PDK1: variants seen among roughly 807,000 people sequenced by gnomAD.
The protein encoded by PDK1 is pyruvate dehydrogenase kinase 1, also known as [Pyruvate dehydrogenase (acetyl-transferring)] kinase isozyme 1, mitochondrial.
In PDK1, 39 loss-of-function variants were observed where a neutral mutation model predicts 54.2. That is an observed-to-expected ratio of 0.72 (90% CI 0.56 to 0.94). The LOEUF (loss-of-function observed/expected upper bound fraction) is 0.94. Ranked by LOEUF, PDK1 falls within the 40% of genes least tolerant of loss-of-function variation. The pLI is 0.00. For synonymous variants in PDK1, 221 were observed against 207.1 expected, an observed-to-expected ratio of 1.07 and a Z score of -0.58; for missense variants, 552 against 566.0, an observed-to-expected ratio of 0.98 and a Z score of 0.25.
At chr2:172,671,297 T>TTATA in the PDK1 span, among the ~76,000 whole-genome samples, 1 of 151,352 alleles carries the variant, frequency 6.6e-6, no homozygotes, top group African/African-American at 2.4e-5. Flanking sequence ...TTTGTCACCT[T>TTATA]TATATATCAC....
the PDK1 span, among the ~76,000 whole-genome samples, chr2:172,707,614 TC>T: frequency 6.6e-6 from 1 of 152,120 alleles, no homozygotes; most frequent in Non-Finnish European, 1.5e-5. Context: ...GGTCCTGAGG[TC>T]CCTGACCAGT....
In PDK1 at chr2:172,586,281, A is replaced by C. The variant is rs773713799; in HGVS notation, c.949A>C (p.Ser317Arg). The C allele has an allele frequency of 6.2e-7, 1 of 1,601,502 alleles. No individual in the cohort carries two copies. Among genetic ancestry groups the C allele is most frequent in the Non-Finnish European group, 8.6e-7 (1 of 1,168,942 alleles). ...CACGATCCTTTTCTTACCTTAGATG[A>C]GTGACCGAGGAGGTGGCGTTCCTTT... Reference protein sequence around the residue: ...LGNEDLTVKMSDRGGGVPLRK... With the variant: ...LGNEDLTVKMRDRGGGVPLRK... Residue 317 changes from serine to arginine, a missense_variant, in exon 9 of 11, where the codon AGT becomes CGT. Transcript: ENST00000282077.
At chr2:172,565,528 TCCTG>T (rs370094384) in intron 5 of PDK1, among the ~76,000 whole-genome samples, 10 of 152,108 alleles carry the variant, frequency 6.6e-5, no homozygotes, top group African/African-American at 1.2e-4. Context: ...GGTCTGGAAC[TCCTG>T]CCTGCCTGCC....
the PDK1 span, among the ~76,000 whole-genome samples, chr2:172,690,657 A>T: frequency 1.3e-4 from 19 of 150,312 alleles, no homozygotes; most frequent in African/African-American, 4.6e-4. Flanking sequence ...TACACCATGG[A>T]ATACTACGCA....
At position 172,570,766 on chromosome 2, in the gene PDK1, G is replaced by A. The variant is rs1228464785; in HGVS notation, c.887G>A (p.Gly296Asp). The A allele has an allele frequency of 6.2e-7, 1 of 1,612,100 alleles. No homozygotes were observed. The highest frequency in any genetic ancestry group is 2.2e-5 in the East Asian group (1 of 44,850). Residue 296 changes from glycine (G) to aspartate (D), a missense_variant, in exon 8 of 11, where the codon GGT (glycine) becomes GAT (aspartate). Transcript: ENST00000282077. ...RATMEHHANRGVYPPIQVHVT... is the reference protein window; with the variant it reads ...RATMEHHANRDVYPPIQVHVT... ...ACTATGGAACACCATGCCAACAGAGGTGTTTACCCCCCTATTCAAGTTCAT... is the reference window on the plus strand; with the variant it reads ...ACTATGGAACACCATGCCAACAGAGATGTTTACCCCCCTATTCAAGTTCAT...
chr2:172,681,474 G>A, the PDK1 span, among the ~76,000 whole-genome samples: 4 of 152,218 alleles, frequency 2.6e-5, no homozygotes, highest in African/African-American at 7.2e-5. Context: ...TAGAAAATGA[G>A]TTATCAGCAC....
chr2:172,692,506 G>A, the PDK1 span, among the ~76,000 whole-genome samples: 4 of 152,246 alleles, frequency 2.6e-5, no homozygotes, highest in Non-Finnish European at 4.4e-5. Flanking sequence ...TTGCCCATGC[G>A]CCATGGAAGG....
chr2:172,653,103 G>A, the PDK1 span, among the ~76,000 whole-genome samples: 1 of 152,062 alleles, frequency 6.6e-6, no homozygotes, highest in Non-Finnish European at 1.5e-5. Context: ...AAACAGCATG[G>A]TACTGGTACC....
the PDK1 span, among the ~76,000 whole-genome samples, chr2:172,645,665 A>C: frequency 1.3e-5 from 2 of 152,170 alleles, no homozygotes; most frequent in African/African-American, 4.8e-5. Flanking sequence ...GCTCCAAGAG[A>C]AAAACGACTT....
chr2:172,573,240 CT>C lies in PDK1; in HGVS notation c.945+2418del, dbSNP rs1488612194. ...GTGAAGGTTCCTGTTTTACCTCGTC[CT>C]TGTCAACAATTGTAGTCTGTCTTTT... On this transcript the variant is annotated intron_variant, in intron 8 of 10. Coordinates refer to ENST00000282077, the MANE Select transcript of PDK1 (RefSeq NM_002610.5). 2.6e-5 allele frequency among the ~76,000 whole-genome samples: 4 copies of C among 152,150 alleles called. No homozygotes were observed. The East Asian group carries it at 7.7e-4, about 29-fold the overall frequency.
chr2:172,667,289 G>A, the PDK1 span, among the ~76,000 whole-genome samples: 6 of 152,210 alleles, frequency 3.9e-5, no homozygotes, highest in Non-Finnish European at 8.8e-5. Context: ...GTTGTCTGCA[G>A]AAGGAACAGG....
rs762109484 is a variant in PDK1, at chr2:172,568,751, A to G, written c.780A>G (p.Pro260=). 5 of 1,604,230 alleles carry G rather than the reference A, an allele frequency of 3.1e-6. No individual in the cohort carries two copies. Among genetic ancestry groups the G allele is most frequent in the Non-Finnish European group, 4.3e-6 (5 of 1,170,946 alleles). The change falls in exon 7 of 11, where the codon CCA becomes CCG. Residue 260 remains proline, a synonymous_variant. Coordinates refer to ENST00000282077, the MANE Select transcript of PDK1 (RefSeq NM_002610.5). Reference sequence around the variant, plus strand: ...TCTTCTGCTCTGTAGCAAAATCACCAGGACAGCCAATACAAGTGGTTTATG... The same window carrying G: ...TCTTCTGCTCTGTAGCAAAATCACCGGGACAGCCAATACAAGTGGTTTATG... ...LELEELNAKS[P]GQPIQVVYVP... is the part of the protein sequence containing the mutation.
intron 9 of PDK1, among the ~76,000 whole-genome samples, chr2:172,588,340 G>A (rs1050054013): frequency 2.1e-4 from 32 of 152,172 alleles, no homozygotes; most frequent in African/African-American, 7.5e-4. Flanking sequence ...AAACTCTTTG[G>A]TTCTGTTTCT....
the PDK1 span, among the ~76,000 whole-genome samples, chr2:172,650,252 G>A: frequency 6.6e-6 from 1 of 151,788 alleles, no homozygotes; most frequent in Non-Finnish European, 1.5e-5. Flanking sequence ...TTCATAAGGA[G>A]AAATAAAATC....
chr2:172,563,715 C>T (rs925462308), intron 3 of PDK1, among the ~76,000 whole-genome samples: 5 of 152,064 alleles, frequency 3.3e-5, no homozygotes, highest in African/African-American at 7.2e-5. Flanking sequence ...TGCCTATAAT[C>T]CCGGCTACTC....
upstream of PDK1, chr2:172,555,693 G>A (rs531541756): frequency 6.5e-6 from 1 of 153,264 alleles, no homozygotes; most frequent in Admixed American, 6.5e-5. Context: ...TTTTGGCTGA[G>A]ATTGGGAGGG....
At chr2:172,632,333 G>C in the PDK1 span, among the ~76,000 whole-genome samples, 7 of 151,690 alleles carry the variant, frequency 4.6e-5, no homozygotes, top group Non-Finnish European at 7.4e-5. Flanking sequence ...TAAACTTATA[G>C]ATTAATATAG....
At chr2:172,675,231 C>T in the PDK1 span, among the ~76,000 whole-genome samples, 2 of 152,164 alleles carry the variant, frequency 1.3e-5, no homozygotes, top group African/African-American at 4.8e-5. Flanking sequence ...GTTAATAACC[C>T]TATAGTGGCC....
the PDK1 span, among the ~76,000 whole-genome samples, chr2:172,651,406 T>C: frequency 6.6e-6 from 1 of 151,960 alleles, no homozygotes; most frequent in Non-Finnish European, 1.5e-5. Flanking sequence ...AACATCAAAA[T>C]TAAAAGAACT....
Sources: gnomAD v4.1 joint callset for allele counts (sites outside exome capture counted in the v4.1 genomes callset) on GRCh38, gnomAD v4.1.1 for gene constraint, MANE v1.5 for transcripts, NCBI Gene and HGNC (gene_info 2026-07-23, HGNC 2026-07-21) for gene names.